NMUR2: variants seen among roughly 807,000 people sequenced by gnomAD.
The protein encoded by NMUR2 is neuromedin U receptor 2, also known as neuromedin-U receptor 2.
A neutral mutation model predicts 25.1 loss-of-function variants in NMUR2; 24 were observed. That is an observed-to-expected ratio of 0.96 (90% CI 0.69 to 1.34). The LOEUF (loss-of-function observed/expected upper bound fraction) is 1.34, where lower values mean the gene tolerates loss of function less well. NMUR2 is among the 40% of genes most tolerant of loss of function. The pLI is 0.00. For missense variants in NMUR2, 533 were observed against 512.8 expected (o/e 1.04, Z -0.38); for synonymous variants, 218 against 208.1 (o/e 1.05, Z -0.41).
At chr5:152,398,996 G>C (rs564362672) in intron 1 of NMUR2, among the ~76,000 whole-genome samples, 1 of 152,064 alleles carries the variant, frequency 6.6e-6, no homozygotes, top group African/African-American at 2.4e-5. Context: ...TTTAAGTCCT[G>C]CCTGTTCCTG....
At chr5:152,396,036 C>G (rs1237031302) in intron 2 of NMUR2, among the ~76,000 whole-genome samples, 1 of 151,998 alleles carries the variant, frequency 6.6e-6, no homozygotes, top group Admixed American at 6.6e-5. Context: ...AACCACAAGC[C>G]TAATAGTACT....
At chr5:152,395,731 A>C in intron 2 of NMUR2, 147 bp from the exon 3 acceptor site, 1 of 732,546 alleles carries the variant, frequency 1.4e-6, no homozygotes, top group South Asian at 2.7e-5. Context: ...ACTAGATCCC[A>C]AAGAGTCTCA....
At chr5:152,403,684 T>C (rs1561699208) in intron 1 of NMUR2, among the ~76,000 whole-genome samples, 1 of 148,268 alleles carries the variant, frequency 6.7e-6, no homozygotes, top group South Asian at 2.1e-4. Flanking sequence ...ATCTCAGTCA[T>C]GTCATTAATA....
At position 152,392,313 on chromosome 5, in the gene NMUR2, C is replaced by T. The variant is rs61735377; in HGVS notation, c.1126G>A (p.Glu376Lys). 0.021 allele frequency: 33,445 copies of T among 1,613,924 alleles called. 426 individuals are homozygous for T. The highest frequency in any genetic ancestry group is 0.025 in the Non-Finnish European group (29,131 of 1,179,904). The change falls in exon 4 of 4, where the codon GAA (glutamate) becomes AAA (lysine). Residue 376 changes from glutamate to lysine, a missense_variant. Physicochemically the swap from Glu to Lys is moderately conservative, Grantham distance 56. Transcript: ENST00000255262. ...LTECHFVELT[E>K]DIGPQFPCQS... is the part of the protein sequence containing the mutation. The stretch of plus-strand genomic sequence containing the variant: ...CATGGGAATTGGGGACCTATATCTT[C>T]GGTCAGCTCCACAAAGTGGCATTCT...
Position 152,391,920 on chromosome 5 carries a change from A to G in NMUR2, c.*271T>C, listed in dbSNP as rs1408757208. ...GGAAATTAATCAAGGTATAGGTGCCATGCCTTTCCAGTCACGTTCTTGGCA... is the reference window on the plus strand; with the variant it reads ...GGAAATTAATCAAGGTATAGGTGCCGTGCCTTTCCAGTCACGTTCTTGGCA... On this transcript the variant is annotated 3_prime_UTR_variant, in exon 4 of 4. Coordinates refer to ENST00000255262, the MANE Select transcript of NMUR2 (RefSeq NM_020167.5). 1 of 357,348 alleles carries G rather than the reference A, an allele frequency of 2.8e-6. No homozygotes were observed. The highest frequency in any genetic ancestry group is 4.2e-5 in the South Asian group (1 of 23,856). 22.1% of individuals were successfully genotyped at this position (357,348 alleles called of 1,614,324 possible). A position where few individuals can be genotyped will look rare whatever the true frequency, so the allele number is the denominator to read the frequency against.
chr5:152,405,100 T>G lies in NMUR2; in HGVS notation c.14A>C (p.Glu5Ala), dbSNP rs779684686. 23 of 1,608,108 alleles carry G rather than the reference T, an allele frequency of 1.4e-5. No homozygotes were observed. Among genetic ancestry groups the G allele is most frequent in the Non-Finnish European group, 1.6e-5 (19 of 1,176,658 alleles). ...GATCCAGGAAGCATTCTGAAGTTTT[T>G]CCATCCCTGACATTAAAATCCAAGG... MSGM[E>A]KLQNASWIYQ... Residue 5 changes from glutamate (E) to alanine (A), a missense_variant, in exon 1 of 4, where the codon GAA becomes GCA. Coordinates refer to ENST00000255262, the MANE Select transcript of NMUR2 (RefSeq NM_020167.5).
chr5:152,398,531 G>A (rs2113099019), intron 1 of NMUR2, among the ~76,000 whole-genome samples: 2 of 152,282 alleles, frequency 1.3e-5, no homozygotes, highest in Admixed American at 1.3e-4. Context: ...AAATCCTTCT[G>A]CTCTGTGGTG....
chr5:152,397,488 G>A (rs1307676866), intron 2 of NMUR2, among the ~76,000 whole-genome samples: 1 of 152,004 alleles, frequency 6.6e-6, no homozygotes, highest in Admixed American at 6.6e-5. Flanking sequence ...CTTGCCAGAT[G>A]TTCTTAACCT....
intron 1 of NMUR2, among the ~76,000 whole-genome samples, chr5:152,404,028 A>T (rs1288944442): frequency 1.3e-5 from 2 of 152,102 alleles, no homozygotes; most frequent in African/African-American, 4.8e-5. Context: ...TGATGTGCTT[A>T]TTTAAAATGA....
Position 152,402,140 on chromosome 5 carries a change from T to A in NMUR2, c.726+2248A>T, listed in dbSNP as rs994835601. 3.9e-5 allele frequency among the ~76,000 whole-genome samples: 6 copies of A among 152,052 alleles called. No individual in the cohort carries two copies. The South Asian group carries it at 1.2e-3, about 32-fold the overall frequency. The stretch of plus-strand genomic sequence containing the variant: ...AATGAAGGAAAATCACGGAGAGCCA[T>A]GAGTACCTACAACAGGAAACAGGGA... On this transcript the variant is annotated intron_variant, in intron 1 of 3. Coordinates refer to ENST00000255262, the MANE Select transcript of NMUR2 (RefSeq NM_020167.5).
In NMUR2 at chr5:152,392,243, C is replaced by G. The variant is rs368679759; in HGVS notation, c.1196G>C (p.Ser399Thr). 3.2e-5 allele frequency: 52 copies of G among 1,613,828 alleles called. No individual in the cohort carries two copies. The highest frequency in any genetic ancestry group is 4.4e-5 in the Non-Finnish European group (52 of 1,179,844). The change falls in exon 4 of 4, where the codon AGT (serine) becomes ACT (threonine). Residue 399 changes from serine to threonine, a missense_variant. Transcript: ENST00000255262. ...HNSHLPAALS[S>T]EQMSRTNYQS... ...ATAGTTTGTTCTTGACATCTGTTCA[C>G]TAGAGAGGGCTGCTGGGAGGTGAGA... is the stretch of plus-strand genomic sequence containing the variant.
Position 152,404,442 on chromosome 5 carries a change from G to T in NMUR2, c.672C>A (p.Phe224Leu). The T allele has an allele frequency of 6.2e-7, 1 of 1,614,156 alleles. No individual in the cohort carries two copies. The highest frequency in any genetic ancestry group is 8.5e-7 in the Non-Finnish European group (1 of 1,180,008). ...TGATGACAGTCATGGGGAGGAGGTAGAATAGGAAGGAGGTGACCTGGATGA... is the reference window on the plus strand; with the variant it reads ...TGATGACAGTCATGGGGAGGAGGTATAATAGGAAGGAGGTGACCTGGATGA... Reference protein sequence around the residue: ...NFIIQVTSFLFYLLPMTVISV... With the variant: ...NFIIQVTSFLLYLLPMTVISV... The change falls in exon 1 of 4, where the codon TTC becomes TTA. Residue 224 changes from phenylalanine (F) to leucine (L), a missense_variant. By Grantham distance (22) the Phe-to-Leu change is conservative. Coordinates refer to ENST00000255262, the MANE Select transcript of NMUR2 (RefSeq NM_020167.5).
chr5:152,402,583 T>G (rs1462348320), intron 1 of NMUR2, among the ~76,000 whole-genome samples: 3 of 152,200 alleles, frequency 2.0e-5, no homozygotes, highest in African/African-American at 7.2e-5. Context: ...ACAATGAAAC[T>G]GATTGTAACA....
intron 2 of NMUR2, 76 bp from the exon 3 acceptor site, chr5:152,395,660 A>G: frequency 2.0e-6 from 3 of 1,520,218 alleles, no homozygotes; most frequent in Non-Finnish European, 2.7e-6. Context: ...CTCTGAGTCA[A>G]TCATTTCTTC....
chr5:152,395,764 G>A (rs3763130), intron 2 of NMUR2, among the ~76,000 whole-genome samples, 180 bp from the exon 3 acceptor site: 7 of 149,698 alleles, frequency 4.7e-5, no homozygotes, highest in African/African-American at 7.4e-5. Context: ...TAAAACACAA[G>A]AATGAATTGT....
chr5:152,402,646 A>T (rs771207790), intron 1 of NMUR2, among the ~76,000 whole-genome samples: 1 of 152,184 alleles, frequency 6.6e-6, no homozygotes, highest in Non-Finnish European at 1.5e-5. Flanking sequence ...TTTTTCCCAA[A>T]TTGACCCAAA....
intron 3 of NMUR2, among the ~76,000 whole-genome samples, chr5:152,395,088 G>T (rs1753126372): frequency 6.6e-6 from 1 of 152,076 alleles, no homozygotes; most frequent in African/African-American, 2.4e-5. Flanking sequence ...CCTTCATGAG[G>T]ATATAATACT....
Position 152,405,253 on chromosome 5 carries a change from G to A in NMUR2, c.-140C>T. The A allele has an allele frequency of 2.0e-6, 2 of 1,002,332 alleles. No homozygotes were observed. The allele number at this position is 1,002,332 out of a possible 1,614,324, so 62.1% of individuals were successfully genotyped here. ...ACAGGCTTCGTAAGGAAGGCTGGGA[G>A]AGAGTGAGTGTTTCACCCTCCAGGT... On this transcript the variant is annotated 5_prime_UTR_variant, in exon 1 of 4. Transcript: ENST00000255262.
intron 2 of NMUR2, among the ~76,000 whole-genome samples, chr5:152,397,368 G>C (rs1221440405): frequency 6.6e-6 from 1 of 151,814 alleles, no homozygotes; most frequent in Non-Finnish European, 1.5e-5. Flanking sequence ...CATTCTTTTG[G>C]GAGACTGTGG....
Sources: allele counts gnomAD v4.1 joint callset (sites outside exome capture counted in the v4.1 genomes callset), GRCh38; gene constraint gnomAD v4.1.1; transcripts MANE v1.5; gene names NCBI Gene and HGNC (gene_info 2026-07-23, HGNC 2026-07-21).